Variants in PARPBP observed in about 807,000 individuals in gnomAD.
PARPBP encodes PARP1 binding protein.
A neutral mutation model predicts 50.0 loss-of-function variants in PARPBP; 52 were observed. That is an observed-to-expected ratio of 1.04 (90% CI 0.83 to 1.31). PARPBP has a LOEUF of 1.31. Ranked by LOEUF, PARPBP falls within the 50% of genes most tolerant of loss-of-function variation. The pLI is 0.00. For synonymous variants in PARPBP, 244 were observed against 232.1 expected (o/e 1.05, Z -0.47); for missense variants, 697 against 672.0 (o/e 1.04, Z -0.41).
chr12:102,138,477 T>C (rs551619413), intron 2 of PARPBP, among the ~76,000 whole-genome samples: 29 of 152,344 alleles, frequency 1.9e-4, no homozygotes, highest in African/African-American at 7.0e-4. Context: ...CTGATGGTAG[T>C]TTCTTTTGCT....
intron 8 of PARPBP, 70 bp from the exon 9 acceptor site, chr12:102,182,479 C>A: frequency 1.9e-6 from 2 of 1,068,040 alleles, no homozygotes; most frequent in Non-Finnish European, 2.8e-6. Context: ...TAAGTTTCAA[C>A]GTGAATTTGG....
chr12:102,145,530 CCTT>C (rs1205484404), intron 2 of PARPBP, among the ~76,000 whole-genome samples: 2 of 151,944 alleles, frequency 1.3e-5, no homozygotes, highest in East Asian at 3.8e-4. Flanking sequence ...ATAAAAAAAA[CCTT>C]CAACTTGTTC....
rs187327545 is a variant in PARPBP at position 102,163,078 on chromosome 12, C to T, written c.496-1360C>T. ...GTTCATGTGTTTTGCATATGGATGA[C>T]CAATTGCTCCAACACCAATTATTGA... On this transcript the variant is annotated intron_variant, in intron 4 of 10. Coordinates refer to ENST00000327680, the MANE Select transcript of PARPBP (RefSeq NM_017915.5). 2.3e-3 allele frequency among the ~76,000 whole-genome samples: 347 copies of T among 152,262 alleles called. 2 individuals carry two copies. The highest frequency in any genetic ancestry group is 8.0e-3 in the African/African-American group (334 of 41,544).
intron 1 of PARPBP, among the ~76,000 whole-genome samples, chr12:102,122,503 A>G (rs1187516103): frequency 2.0e-5 from 3 of 152,226 alleles, no homozygotes; most frequent in African/African-American, 7.2e-5. Flanking sequence ...AGTACAGGAA[A>G]ATACCCAAAA....
At position 102,124,052 on chromosome 12, in the gene PARPBP, T is replaced by A. The variant is rs1437928722; in HGVS notation, c.153+11T>A. ...GAGAACAACAAACAGGTTGGTAAAC[T>A]ATATTTGGGTTAACTTGTTTTTTTA... On this transcript the variant is annotated intron_variant, in intron 2 of 10. Transcript: ENST00000327680. 6.5e-7 allele frequency: 1 copy of A among 1,527,558 alleles called. No homozygotes were observed. Among genetic ancestry groups the A allele is most frequent in the South Asian group, 1.2e-5 (1 of 82,538 alleles). The allele number at this position is 1,527,558 out of a possible 1,614,324, so 94.6% of individuals were successfully genotyped here. A position where few individuals can be genotyped will look rare whatever the true frequency, so the allele number is the denominator to read the frequency against.
chr12:102,159,968 AT>A (rs2139378079), intron 4 of PARPBP, among the ~76,000 whole-genome samples: 1 of 152,376 alleles, frequency 6.6e-6, no homozygotes, highest in South Asian at 2.1e-4. Flanking sequence ...TGGTATGGAT[AT>A]AATCAGTTTA....
chr12:102,133,546 G>T (rs1156838349), intron 2 of PARPBP, among the ~76,000 whole-genome samples: 1 of 151,312 alleles, frequency 6.6e-6, no homozygotes, highest in Non-Finnish European at 1.5e-5. Flanking sequence ...CTAGTATTTT[G>T]TTGAGGAATT....
At position 102,165,729 on chromosome 12, in the gene PARPBP, G is replaced by T. The variant is rs372477847; in HGVS notation, c.667G>T (p.Val223Leu). The change falls in exon 6 of 11, where the codon GTG becomes TTG. Residue 223 changes from valine to leucine, a missense_variant and splice_region_variant. Physicochemically the swap from Val to Leu is conservative, Grantham distance 32. Transcript: ENST00000327680. The part of the protein sequence containing the change: ...AREKQMSIFL[V>L]ATSFIRTIEL... The stretch of plus-strand genomic sequence containing the variant: ...CTTATCCGTTTGTTTTAATTCATAG[G>T]TGGCCACGTCTTTTATTAGAACAAT... 1.2e-5 allele frequency: 19 copies of T among 1,599,786 alleles called. No homozygotes were observed. The highest frequency in any genetic ancestry group is 4.0e-5 in the African/African-American group (3 of 74,126).
chr12:102,192,675 T>G (rs1178533885), intron 9 of PARPBP, among the ~76,000 whole-genome samples: 1 of 152,100 alleles, frequency 6.6e-6, no homozygotes. Context: ...GGTTCTAGCC[T>G]TCTGAAATCT....
At chr12:102,141,949 T>G (rs1481739018) in intron 2 of PARPBP, among the ~76,000 whole-genome samples, 1 of 152,188 alleles carries the variant, frequency 6.6e-6, no homozygotes, top group Non-Finnish European at 1.5e-5. Flanking sequence ...TTGGTGAATC[T>G]GATAATTATG....
At chr12:102,122,350 G>T (rs952386585) in intron 1 of PARPBP, among the ~76,000 whole-genome samples, 9 of 152,132 alleles carry the variant, frequency 5.9e-5, no homozygotes, top group African/African-American at 2.2e-4. Flanking sequence ...TTGCATCATA[G>T]ATTGTGTCTA....
chr12:102,181,073 C>A (rs185249929), intron 8 of PARPBP, among the ~76,000 whole-genome samples: 3 of 152,010 alleles, frequency 2.0e-5, no homozygotes, highest in Non-Finnish European at 4.4e-5. Context: ...CTTCTCTGAC[C>A]CTCCTATTTC....
intron 2 of PARPBP, among the ~76,000 whole-genome samples, chr12:102,136,192 T>A (rs989307235): frequency 6.6e-6 from 1 of 152,248 alleles, no homozygotes; most frequent in Non-Finnish European, 1.5e-5. Context: ...TAATTTATTC[T>A]TCTTTGGTAG....
At chr12:102,173,552 CAAAAT>C (rs1040793573) in intron 6 of PARPBP, among the ~76,000 whole-genome samples, 1 of 151,770 alleles carries the variant, frequency 6.6e-6, no homozygotes, top group Non-Finnish European at 1.5e-5. Flanking sequence ...GGCCAATAAA[CAAAAT>C]GCAATTGGAT....
chr12:102,186,618 T>A (rs1288954805), intron 9 of PARPBP, among the ~76,000 whole-genome samples: 1 of 152,220 alleles, frequency 6.6e-6, no homozygotes, highest in African/African-American at 2.4e-5. Context: ...TTTTATTAAA[T>A]GATTTTTCAA....
At chr12:102,122,740 T>C (rs749435847) in intron 1 of PARPBP, among the ~76,000 whole-genome samples, 7 of 152,308 alleles carry the variant, frequency 4.6e-5, no homozygotes, top group South Asian at 4.1e-4. Context: ...GTTAGACATA[T>C]TAAGTTTATG....
chr12:102,165,943 T>A, intron 6 of PARPBP, 60 bp downstream of exon 6: 1 of 1,151,338 alleles, frequency 8.7e-7, no homozygotes, highest in Non-Finnish European at 1.3e-6. Flanking sequence ...CTTTACAGAA[T>A]TGGGTAGAAA....
intron 2 of PARPBP, among the ~76,000 whole-genome samples, chr12:102,126,320 T>C (rs1367390835): frequency 6.6e-6 from 1 of 152,250 alleles, no homozygotes; most frequent in African/African-American, 2.4e-5. Flanking sequence ...CCCTTGTATA[T>C]TGGCACTTTC....
In PARPBP at chr12:102,196,249, G is replaced by A. The variant is rs1376889021; in HGVS notation, c.1698G>A (p.Leu566=). 7 of 1,600,204 alleles carry A rather than the reference G, an allele frequency of 4.4e-6. No individual in the cohort carries two copies. Among genetic ancestry groups the A allele is most frequent in the Non-Finnish European group, 6.0e-6 (7 of 1,175,236 alleles). The part of the protein sequence containing the change: ...KSNKCTAKDK[L]ISGQAKLTQF... ...ATAAATGTACTGCCAAGGACAAGTT[G>A]ATTTCTGGCCAGGCAAAGTTAACTC... The change falls in exon 11 of 11, where the codon TTG becomes TTA. Residue 566 remains leucine, a synonymous_variant. Coordinates refer to ENST00000327680, the MANE Select transcript of PARPBP (RefSeq NM_017915.5).
Sources: allele counts gnomAD v4.1 joint callset (sites outside exome capture counted in the v4.1 genomes callset), GRCh38; gene constraint gnomAD v4.1.1; transcripts MANE v1.5; gene names NCBI Gene and HGNC (gene_info 2026-07-23, HGNC 2026-07-21).